The following ERC2 variants were observed in gnomAD, a reference collection of about 807,000 sequenced individuals.
ERC2 encodes ELKS/RAB6-interacting/CAST family member 2.
ERC2 carries 42 observed loss-of-function variants against 114.8 expected under a neutral mutation model. The observed-to-expected ratio is 0.37, with a 90% CI of 0.29 to 0.47. ERC2 has a LOEUF of 0.47. Ranked by LOEUF, ERC2 falls within the 20% of genes least tolerant of loss-of-function variation. The pLI, the probability that ERC2 is intolerant of heterozygous loss-of-function variation, is 0.99. For missense variants in ERC2, 939 were observed against 1,150.7 expected, an observed-to-expected ratio of 0.82 and a Z score of 2.66; for synonymous variants, 454 against 425.5, an observed-to-expected ratio of 1.07 and a Z score of -0.82.
chr3:56,334,670 A>G (rs1232418236), intron 2 of ERC2, among the ~76,000 whole-genome samples: 1 of 152,246 alleles, frequency 6.6e-6, no homozygotes, highest in Non-Finnish European at 1.5e-5. Context: ...CTTACTTATC[A>G]GAAGAGCAGA....
intron 13 of ERC2, among the ~76,000 whole-genome samples, chr3:55,930,667 G>A (rs565877481): frequency 6.6e-6 from 1 of 152,226 alleles, no homozygotes; most frequent in South Asian, 2.1e-4. Flanking sequence ...GAAAACCTTG[G>A]CAATACTATT....
intron 17 of ERC2, among the ~76,000 whole-genome samples, chr3:55,571,425 T>G (rs1020362920): frequency 6.6e-6 from 1 of 152,122 alleles, no homozygotes; most frequent in Non-Finnish European, 1.5e-5. Context: ...CTTCCTCCCT[T>G]CTGGGGCTCT....
intron 1 of ERC2, among the ~76,000 whole-genome samples, chr3:56,438,138 A>T (rs1042016370): frequency 6.6e-6 from 1 of 152,180 alleles, no homozygotes; most frequent in Non-Finnish European, 1.5e-5. Flanking sequence ...AAAACTTGAG[A>T]AAGTTGCATT....
chr3:55,547,094 G>A (rs1446394874), intron 17 of ERC2, among the ~76,000 whole-genome samples: 1 of 152,238 alleles, frequency 6.6e-6, no homozygotes, highest in African/African-American at 2.4e-5. Flanking sequence ...ATCTCTGTAG[G>A]GGCGTTAGCA....
chr3:55,576,584 C>T (rs1468248874), intron 17 of ERC2, among the ~76,000 whole-genome samples: 3 of 152,204 alleles, frequency 2.0e-5, no homozygotes, highest in Non-Finnish European at 4.4e-5. Context: ...AAGGGCTTCT[C>T]ATCCCAATTT....
intron 3 of ERC2, among the ~76,000 whole-genome samples, chr3:56,233,799 T>C (rs369996853): frequency 6.6e-6 from 1 of 152,158 alleles, no homozygotes; most frequent in Admixed American, 6.6e-5. Flanking sequence ...GCTTGGCTCA[T>C]GGGCATCGAC....
At chr3:55,805,674 A>AACG (rs71763370) in intron 14 of ERC2, among the ~76,000 whole-genome samples, 47,751 of 151,700 alleles carry the variant, frequency 0.31, 8,858 homozygotes, top group African/African-American at 0.52. Context: ...TATTCACAAC[A>AACG]ACAACAAAGA....
chr3:55,953,593 G>T (rs1014548447), intron 12 of ERC2, among the ~76,000 whole-genome samples: 1 of 152,132 alleles, frequency 6.6e-6, no homozygotes, highest in African/African-American at 2.4e-5. Flanking sequence ...GCAAGAAGTG[G>T]GGTGGAATAG....
intron 17 of ERC2, among the ~76,000 whole-genome samples, chr3:55,610,078 A>C (rs1386898938): frequency 5.3e-5 from 8 of 151,872 alleles, no homozygotes; most frequent in Non-Finnish European, 1.2e-4. Context: ...AAAAAAAAAA[A>C]AAAAAACAAG....
chr3:56,087,803 C>T (rs1289245966), intron 6 of ERC2, among the ~76,000 whole-genome samples: 10 of 152,238 alleles, frequency 6.6e-5, no homozygotes, highest in East Asian at 1.9e-4. Context: ...TTTTCCTAAT[C>T]GTAGACTTGA....
At chr3:56,016,801 T>C (rs796994083) in intron 8 of ERC2, among the ~76,000 whole-genome samples, 2 of 152,152 alleles carry the variant, frequency 1.3e-5, no homozygotes, top group South Asian at 4.1e-4. Context: ...AGTTAATTAA[T>C]GGCTCCCCAG....
chr3:55,513,637 C>T (rs1008615564), intron 17 of ERC2, among the ~76,000 whole-genome samples: 14 of 147,694 alleles, frequency 9.5e-5, no homozygotes, highest in Admixed American at 2.0e-4. Context: ...TATATATATA[C>T]ATATCTTTTA....
intron 2 of ERC2, among the ~76,000 whole-genome samples, chr3:56,390,395 C>G (rs2060086846): frequency 1.3e-5 from 2 of 152,208 alleles, no homozygotes; most frequent in Non-Finnish European, 2.9e-5. Context: ...CTAGGTCATT[C>G]TCCCCTGCCC....
At chr3:55,554,803 G>T (rs1472477806) in intron 17 of ERC2, among the ~76,000 whole-genome samples, 1 of 152,016 alleles carries the variant, frequency 6.6e-6, no homozygotes, top group Non-Finnish European at 1.5e-5. Context: ...GGCACTGTCA[G>T]CCTCATCTCA....
chr3:55,947,582 T>C (rs1273676063), intron 13 of ERC2, among the ~76,000 whole-genome samples: 1 of 151,990 alleles, frequency 6.6e-6, no homozygotes. Context: ...CTTCAGCAAC[T>C]GTCATTAGTT....
intron 13 of ERC2, among the ~76,000 whole-genome samples, chr3:55,897,621 T>A (rs2063905377): frequency 6.6e-6 from 1 of 152,138 alleles, no homozygotes; most frequent in South Asian, 2.1e-4. Flanking sequence ...ACACAGAAGG[T>A]CACCCTGAGA....
intron 17 of ERC2, among the ~76,000 whole-genome samples, chr3:55,633,505 T>C (rs2059837863): frequency 6.6e-6 from 1 of 152,140 alleles, no homozygotes; most frequent in African/African-American, 2.4e-5. Context: ...TGTCTCCCTC[T>C]ACTGGGCTGT....
At chr3:55,827,472 G>A (rs887591290) in intron 14 of ERC2, among the ~76,000 whole-genome samples, 1 of 151,912 alleles carries the variant, frequency 6.6e-6, no homozygotes, top group Non-Finnish European at 1.5e-5. Context: ...GGAAAAAGAG[G>A]AAATGATAGT....
At chr3:56,027,883 G>A (rs2074142486) in intron 7 of ERC2, among the ~76,000 whole-genome samples, 1 of 152,112 alleles carries the variant, frequency 6.6e-6, no homozygotes, top group Non-Finnish European at 1.5e-5. Flanking sequence ...CCTAAATCAT[G>A]AAGATTTTCT....
Sources: allele counts gnomAD v4.1 joint callset (sites outside exome capture counted in the v4.1 genomes callset), GRCh38; gene constraint gnomAD v4.1.1; transcripts MANE v1.5; gene names NCBI Gene and HGNC (gene_info 2026-07-23, HGNC 2026-07-21).